Variants in ZRANB3 observed in about 807,000 individuals in gnomAD.
The protein encoded by ZRANB3 is DNA annealing helicase and endonuclease ZRANB3.
A neutral mutation model predicts 133.8 loss-of-function variants in ZRANB3; 125 were observed. That is an observed-to-expected ratio of 0.93 (90% CI 0.81 to 1.08). ZRANB3 has a LOEUF of 1.08. ZRANB3 is among the 50% of genes least tolerant of loss of function. ZRANB3 has a pLI of 0.00. For missense variants in ZRANB3, 1,229 were observed against 1,275.5 expected (o/e 0.96, Z 0.56); for synonymous variants, 387 against 432.7 (o/e 0.89, Z 1.31).
chr2:135,412,926 A>T (rs1306839354), intron 2 of ZRANB3, among the ~76,000 whole-genome samples: 1 of 152,182 alleles, frequency 6.6e-6, no homozygotes, highest in African/African-American at 2.4e-5. Flanking sequence ...TTTGGAATAC[A>T]CAAGGATTTA....
chr2:135,407,856 A>G (rs1460284405), intron 2 of ZRANB3, among the ~76,000 whole-genome samples: 1 of 133,212 alleles, frequency 7.5e-6, no homozygotes, highest in Admixed American at 7.2e-5. Flanking sequence ...CGTTAGACCT[A>G]AAACCATAAA....
intron 17 of ZRANB3, among the ~76,000 whole-genome samples, chr2:135,216,920 T>C (rs1305537350): frequency 6.6e-6 from 1 of 152,194 alleles, no homozygotes; most frequent in African/African-American, 2.4e-5. Flanking sequence ...GTACAGAGAT[T>C]AGAAAGGAAC....
At chr2:135,230,009 T>C (rs902366936) in intron 13 of ZRANB3, among the ~76,000 whole-genome samples, 15 of 152,174 alleles carry the variant, frequency 9.9e-5, no homozygotes, top group African/African-American at 3.4e-4. Flanking sequence ...CAAATGAAGA[T>C]TGATCCATAG....
At chr2:135,302,476 A>C (rs1311612545) in intron 8 of ZRANB3, among the ~76,000 whole-genome samples, 1 of 151,720 alleles carries the variant, frequency 6.6e-6, no homozygotes, top group African/African-American at 2.4e-5. Context: ...CCTAGGAATT[A>C]GATGCCAGAT....
At chr2:135,287,660 T>C (rs1284833849) in intron 8 of ZRANB3, among the ~76,000 whole-genome samples, 1 of 144,422 alleles carries the variant, frequency 6.9e-6, no homozygotes, top group Non-Finnish European at 1.5e-5. Context: ...TGGTTAGGTA[T>C]ATTTCTTTCC....
At chr2:135,395,619 G>A (rs1035217147) in intron 2 of ZRANB3, among the ~76,000 whole-genome samples, 4 of 151,746 alleles carry the variant, frequency 2.6e-5, no homozygotes, top group African/African-American at 9.7e-5. Context: ...CACGACGCCC[G>A]GCTAATTTTT....
intron 6 of ZRANB3, among the ~76,000 whole-genome samples, chr2:135,340,625 C>A (rs987527080): frequency 1.3e-5 from 2 of 151,990 alleles, no homozygotes; most frequent in Admixed American, 1.3e-4. Context: ...GCAGGCAGAT[C>A]ATGAGGTCAG....
intron 2 of ZRANB3, among the ~76,000 whole-genome samples, chr2:135,496,172 C>A (rs1692654715): frequency 1.3e-5 from 2 of 152,014 alleles, no homozygotes; most frequent in African/African-American, 4.8e-5. Flanking sequence ...CACCTGAGAT[C>A]AGGAGTTTGA....
At chr2:135,386,196 C>T (rs891480803) in intron 3 of ZRANB3, among the ~76,000 whole-genome samples, 1 of 152,182 alleles carries the variant, frequency 6.6e-6, no homozygotes, top group East Asian at 1.9e-4. Flanking sequence ...TGAACAGACA[C>T]TTCTCAAAAG....
intron 2 of ZRANB3, among the ~76,000 whole-genome samples, chr2:135,460,187 G>T (rs1690701803): frequency 6.6e-6 from 1 of 152,018 alleles, no homozygotes; most frequent in Admixed American, 6.6e-5. Flanking sequence ...GCTGCAAGAA[G>T]TCCTTACTCC....
rs151169212 is a variant in ZRANB3 at position 135,472,101 on chromosome 2, T to G, written c.161+32228A>C. 2.0e-4 allele frequency among the ~76,000 whole-genome samples: 31 copies of G among 152,326 alleles called. No homozygotes were observed. In the East Asian group the frequency reaches 5.8e-3, roughly 28 times the overall value. Reference sequence around the variant, plus strand: ...TAAAGAAAAGCACCAACTTTATATCTGATGGGAAACTAATTTAAAACAAAA... The same window carrying G: ...TAAAGAAAAGCACCAACTTTATATCGGATGGGAAACTAATTTAAAACAAAA... On this transcript the variant is annotated intron_variant, in intron 2 of 20. Transcript: ENST00000264159.
chr2:135,393,395 G>A (rs1170011749), intron 2 of ZRANB3, among the ~76,000 whole-genome samples: 2 of 151,318 alleles, frequency 1.3e-5, no homozygotes, highest in African/African-American at 2.4e-5. Flanking sequence ...ATTATTGACA[G>A]CTAAATAAAT....
chr2:135,208,070 AG>A (rs1269472452), intron 18 of ZRANB3, among the ~76,000 whole-genome samples: 6 of 152,224 alleles, frequency 3.9e-5, no homozygotes, highest in African/African-American at 1.4e-4. Context: ...AATTAACACA[AG>A]GGGATGCCCT....
chr2:135,501,163 C>A (rs548032044), intron 2 of ZRANB3, among the ~76,000 whole-genome samples: 4 of 152,030 alleles, frequency 2.6e-5, no homozygotes, highest in African/African-American at 9.6e-5. Context: ...CACAAAGGAA[C>A]AAAAATTAGA....
chr2:135,337,172 A>G (rs1168812525), intron 6 of ZRANB3, among the ~76,000 whole-genome samples: 2 of 152,186 alleles, frequency 1.3e-5, no homozygotes, highest in East Asian at 3.8e-4. Flanking sequence ...GATACCCACC[A>G]TGGTCAGAAG....
chr2:135,341,879 G>A (rs2104861297), intron 6 of ZRANB3, among the ~76,000 whole-genome samples: 1 of 150,038 alleles, frequency 6.7e-6, no homozygotes, highest in Non-Finnish European at 1.5e-5. Flanking sequence ...AGTCAGACTG[G>A]TTCTCTGCTC....
chr2:135,353,628 T>C lies in ZRANB3; in HGVS notation c.181A>G (p.Met61Val). ...GCCTGGATTGTCTTTCCTAGACCCA[T>C]CTAAATTAAAAAATAAATAAATGTT... ...RNGRCMVADE[M>V]GLGKTIQAIG... Residue 61 changes from methionine (M) to valine (V), a missense_variant and splice_region_variant, in exon 4 of 21, where the codon ATG becomes GTG. Met to Val is a conservative substitution (Grantham distance 21). Coordinates refer to ENST00000264159, the MANE Select transcript of ZRANB3 (RefSeq NM_032143.4). 3 of 1,451,974 alleles carry C rather than the reference T, an allele frequency of 2.1e-6. No homozygotes were observed. Among genetic ancestry groups the C allele is most frequent in the Non-Finnish European group, 1.8e-6 (2 of 1,099,288 alleles). 89.9% of individuals were successfully genotyped at this position (1,451,974 alleles called of 1,614,324 possible). A position where few individuals can be genotyped will look rare whatever the true frequency, so the allele number is the denominator to read the frequency against.
chr2:135,239,417 C>CAA (rs11409886), intron 12 of ZRANB3, among the ~76,000 whole-genome samples: 2,399 of 146,744 alleles, frequency 0.016, 50 homozygotes, highest in African/African-American at 0.052. Flanking sequence ...TATAAAAAAT[C>CAA]AAAAAAAAAA....
At chr2:135,280,816 C>T (rs549462939) in intron 8 of ZRANB3, among the ~76,000 whole-genome samples, 30 of 152,184 alleles carry the variant, frequency 2.0e-4, no homozygotes, top group Non-Finnish European at 4.1e-4. Flanking sequence ...TTTGACCTAA[C>T]TTTAGTTAGG....
Sources: gnomAD v4.1 joint callset for allele counts (sites outside exome capture counted in the v4.1 genomes callset) on GRCh38, gnomAD v4.1.1 for gene constraint, MANE v1.5 for transcripts, NCBI Gene and HGNC (gene_info 2026-07-23, HGNC 2026-07-21) for gene names.